The following LRRK2 variants were observed in gnomAD, a reference collection of about 807,000 sequenced individuals.
The protein encoded by LRRK2 is leucine-rich repeat serine/threonine-protein kinase 2.
LRRK2 carries 203 observed loss-of-function variants against 302.6 expected under a neutral mutation model. The observed-to-expected ratio is 0.67, with a 90% CI of 0.60 to 0.75. The LOEUF (loss-of-function observed/expected upper bound fraction) is 0.75, where lower values mean the gene tolerates loss of function less well. LRRK2 is among the 30% of genes least tolerant of loss of function. LRRK2 has a pLI of 0.00. For missense variants in LRRK2, 2,830 were observed against 2,951.0 expected, an observed-to-expected ratio of 0.96 and a Z score of 0.95; for synonymous variants, 1,066 against 1,031.9, an observed-to-expected ratio of 1.03 and a Z score of -0.63.
At chr12:40,280,401 A>C (rs905356121) in intron 18 of LRRK2, among the ~76,000 whole-genome samples, 2 of 151,920 alleles carry the variant, frequency 1.3e-5, no homozygotes, top group African/African-American at 4.8e-5. Flanking sequence ...AGGCGGGAGG[A>C]TCATTTGAGC....
intron 16 of LRRK2, among the ~76,000 whole-genome samples, chr12:40,277,338 A>C (rs536187640): frequency 6.6e-6 from 1 of 152,268 alleles, no homozygotes; most frequent in Non-Finnish European, 1.5e-5. Flanking sequence ...TTAGAATGTA[A>C]TCCTCAGAGT....
chr12:40,305,695 G>C (rs1311083924), intron 27 of LRRK2, 90 bp from the exon 28 acceptor site: 1 of 1,132,668 alleles, frequency 8.8e-7, no homozygotes, highest in East Asian at 2.4e-5. Context: ...GATGGAATCT[G>C]TGAGCCTTTC....
chr12:40,314,215 T>C, intron 32 of LRRK2, 42 bp downstream of exon 32: 1 of 1,558,746 alleles, frequency 6.4e-7, no homozygotes, highest in Non-Finnish European at 8.8e-7. Flanking sequence ...TCAGCTGTAG[T>C]AACTTATAAA....
Position 40,243,627 on chromosome 12 carries a change from A to G in LRRK2, c.784A>G (p.Met262Val), listed in dbSNP as rs182233369. 4.0e-5 allele frequency: 64 copies of G among 1,612,228 alleles called. 1 individual carries two copies. In the Admixed American group the frequency reaches 5.7e-4, roughly 14 times the overall value. ...IVVEAMKAFP[M>V]SERIQEVSCC... ...GGTGGAAGCTATGAAAGCATTCCCT[A>G]TGAGTGAAAGAATTCAAGAAGTGAG... The change falls in exon 7 of 51, where the codon ATG becomes GTG. Residue 262 changes from methionine (M) to valine (V), a missense_variant. Transcript: ENST00000298910.
At chr12:40,275,752 A>G (rs1387274225) in intron 16 of LRRK2, among the ~76,000 whole-genome samples, 1 of 151,916 alleles carries the variant, frequency 6.6e-6, no homozygotes, top group Non-Finnish European at 1.5e-5. Context: ...CTCAGACTAC[A>G]GGCATGCACT....
At chr12:40,281,072 A>AAC (rs1180545889) in intron 18 of LRRK2, among the ~76,000 whole-genome samples, 1 of 151,660 alleles carries the variant, frequency 6.6e-6, no homozygotes, top group Non-Finnish European at 1.5e-5. Context: ...CGTCTCAAAA[A>AAC]AAAAAAAAAC....
chr12:40,252,665 G>A (rs977226725), intron 10 of LRRK2, among the ~76,000 whole-genome samples: 4 of 151,762 alleles, frequency 2.6e-5, no homozygotes, highest in Non-Finnish European at 4.4e-5. Flanking sequence ...TTACATATCT[G>A]CTGAGCTTTT....
intron 6 of LRRK2, among the ~76,000 whole-genome samples, chr12:40,241,178 A>G (rs1037057623): frequency 1.3e-5 from 2 of 152,210 alleles, no homozygotes; most frequent in African/African-American, 4.8e-5. Flanking sequence ...GCCGCTGTGC[A>G]TGCACATCCC....
intron 41 of LRRK2, among the ~76,000 whole-genome samples, chr12:40,344,389 C>T (rs1270547261): frequency 6.6e-6 from 1 of 152,126 alleles, no homozygotes; most frequent in Non-Finnish European, 1.5e-5. Context: ...AAATAAGCCT[C>T]CAAAATCTCT....
At chr12:40,319,163 A>G (rs764631565) in intron 33 of LRRK2, among the ~76,000 whole-genome samples, 2 of 152,164 alleles carry the variant, frequency 1.3e-5, no homozygotes, top group Admixed American at 6.6e-5. Flanking sequence ...ATTGGAATAT[A>G]TAGATAAATA....
intron 3 of LRRK2, chr12:40,232,794 A>G (rs898842005): frequency 3.6e-5 from 6 of 165,766 alleles, no homozygotes; most frequent in Admixed American, 1.8e-4. Context: ...TTGATGTTCT[A>G]CTGTCTTTAA....
chr12:40,236,891 G>GC (rs1209391969), intron 4 of LRRK2, among the ~76,000 whole-genome samples: 1 of 151,870 alleles, frequency 6.6e-6, no homozygotes, highest in Non-Finnish European at 1.5e-5. Context: ...TCTCCATTTG[G>GC]CGATGGACAG....
chr12:40,334,435 A>G (rs994595499), intron 39 of LRRK2, among the ~76,000 whole-genome samples: 3 of 152,236 alleles, frequency 2.0e-5, no homozygotes, highest in Non-Finnish European at 2.9e-5. Context: ...TGAACCACTG[A>G]TAGCCCACTG....
At chr12:40,289,523 T>G (rs890764125) in intron 20 of LRRK2, among the ~76,000 whole-genome samples, 6 of 149,038 alleles carry the variant, frequency 4.0e-5, no homozygotes, top group Middle Eastern at 3.6e-3. Flanking sequence ...TAATGTAATC[T>G]ATAATATATA....
chr12:40,252,140 C>T (rs975622829), intron 10 of LRRK2, among the ~76,000 whole-genome samples: 1 of 152,136 alleles, frequency 6.6e-6, no homozygotes, highest in Admixed American at 6.6e-5. Context: ...GTTTCATATC[C>T]GTGAGCCTTT....
At chr12:40,293,497 T>C (rs1304278678) in intron 20 of LRRK2, 48 bp from the exon 21 acceptor site, 2 of 1,200,146 alleles carry the variant, frequency 1.7e-6, no homozygotes, top group Middle Eastern at 2.0e-4. Flanking sequence ...TATGATTGAG[T>C]AAGCTTTTTG....
At chr12:40,357,558 C>A (rs1236299574) in intron 46 of LRRK2, among the ~76,000 whole-genome samples, 2 of 152,050 alleles carry the variant, frequency 1.3e-5, no homozygotes, top group African/African-American at 4.8e-5. Context: ...ACATACACAC[C>A]AATAGCATAT....
intron 26 of LRRK2, 113 bp from the exon 27 acceptor site, chr12:40,303,835 G>C (rs1399765537): frequency 7.2e-6 from 7 of 970,624 alleles, no homozygotes; most frequent in Admixed American, 1.9e-5. Flanking sequence ...TGTCAATAAT[G>C]CTAGTTTTGA....
chr12:40,228,268 A>G (rs1365632178), intron 2 of LRRK2, among the ~76,000 whole-genome samples: 1 of 152,014 alleles, frequency 6.6e-6, no homozygotes, highest in African/African-American at 2.4e-5. Flanking sequence ...CTTTTTGATA[A>G]TAGCCATTCT....
Sources: gnomAD v4.1 joint callset for allele counts (sites outside exome capture counted in the v4.1 genomes callset) on GRCh38, gnomAD v4.1.1 for gene constraint, MANE v1.5 for transcripts, NCBI Gene and HGNC (gene_info 2026-07-23, HGNC 2026-07-21) for gene names.